LARP4: variants seen among roughly 807,000 people sequenced by gnomAD.
The protein encoded by LARP4 is La ribonucleoprotein 4.
LARP4 carries 29 observed loss-of-function variants against 92.9 expected under a neutral mutation model. That is an observed-to-expected ratio of 0.31 (90% CI 0.23 to 0.43). LARP4 has a LOEUF of 0.43. Ranked by LOEUF, LARP4 falls within the 20% of genes least tolerant of loss-of-function variation. The probability of loss-of-function intolerance (pLI) is 1.00; values close to 1 mark genes in which losing one functional copy is unlikely to be tolerated. For synonymous variants in LARP4, 279 were observed against 284.1 expected, an observed-to-expected ratio of 0.98 and a Z score of 0.18; for missense variants, 732 against 860.0, an observed-to-expected ratio of 0.85 and a Z score of 1.86.
intron 7 of LARP4, among the ~76,000 whole-genome samples, chr12:50,440,926 C>T (rs372911372): frequency 6.6e-6 from 1 of 151,120 alleles, no homozygotes; most frequent in South Asian, 2.1e-4. Context: ...CTCTGTCGCC[C>T]GGGCTGGAGT....
intron 5 of LARP4, among the ~76,000 whole-genome samples, chr12:50,436,110 GTGTGTGTGTGATA>G (rs1426940738): frequency 2.1e-5 from 3 of 142,740 alleles, no homozygotes; most frequent in East Asian, 2.0e-4. Flanking sequence ...TGGTGTGTGT[GTGTGTGTGTGATA>G]TGTGTGTGTG....
At chr12:50,466,338 G>A (rs1956145443) in intron 12 of LARP4, among the ~76,000 whole-genome samples, 1 of 152,118 alleles carries the variant, frequency 6.6e-6, no homozygotes, top group African/African-American at 2.4e-5. Context: ...TGATGGGCGG[G>A]CACAGTTGCT....
At chr12:50,405,141 C>T (rs1178635204) in intron 1 of LARP4, among the ~76,000 whole-genome samples, 3 of 151,892 alleles carry the variant, frequency 2.0e-5, no homozygotes, top group African/African-American at 7.3e-5. Flanking sequence ...TCAAGTGATC[C>T]GCCCGCCTTG....
intron 5 of LARP4, 149 bp downstream of exon 5, chr12:50,435,773 T>C: frequency 3.2e-6 from 2 of 631,902 alleles, no homozygotes; most frequent in South Asian, 4.5e-5. Context: ...TTTGTTTTTT[T>C]TTTTCGGGGG....
rs1452358615 is a variant in LARP4, at chr12:50,468,698, A to G, written c.1545+1578A>G. 2.0e-5 allele frequency among the ~76,000 whole-genome samples: 3 copies of G among 152,268 alleles called. No homozygotes were observed. The East Asian group carries it at 5.8e-4, about 29-fold the overall frequency. On this transcript the variant is annotated intron_variant, in intron 13 of 15. Coordinates refer to ENST00000398473, the MANE Select transcript of LARP4 (RefSeq NM_052879.5). ...AAAGATTTAGCTTTCTTAAGCCAACATACTCACACTTTTCCTATCCTCCTG... is the reference window on the plus strand; with the variant it reads ...AAAGATTTAGCTTTCTTAAGCCAACGTACTCACACTTTTCCTATCCTCCTG...
chr12:50,418,090 A>C (rs566855920), intron 1 of LARP4, among the ~76,000 whole-genome samples: 1 of 152,312 alleles, frequency 6.6e-6, no homozygotes, highest in Admixed American at 6.5e-5. Flanking sequence ...TGAACTCCTG[A>C]TCTCAGGTGA....
rs71083573 is a variant in LARP4 at position 50,446,429 on chromosome 12, ATTT to A, written c.804+4799_804+4801del. 6.6e-3 allele frequency among the ~76,000 whole-genome samples: 26 copies of A among 3,916 alleles called. 2 individuals are homozygous for A. The highest frequency in any genetic ancestry group is 0.013 in the Admixed American group (2 of 156). 2.6% of individuals were successfully genotyped at this position (3,916 alleles called of 152,430 possible). On this transcript the variant is annotated intron_variant, in intron 8 of 15. Coordinates refer to ENST00000398473, the MANE Select transcript of LARP4 (RefSeq NM_052879.5). ...TCTCTCTATATATATATATATATATATTTTTTTTTTTTTTTATAGACGGAGTCT... is the reference window on the plus strand; with the variant it reads ...TCTCTCTATATATATATATATATATATTTTTTTTTTTTATAGACGGAGTCT...
chr12:50,467,930 C>T (rs562662555), intron 13 of LARP4, among the ~76,000 whole-genome samples: 6 of 151,996 alleles, frequency 3.9e-5, no homozygotes, highest in Non-Finnish European at 7.4e-5. Flanking sequence ...CAACTACTTT[C>T]AGCTCCTTAG....
chr12:50,430,520 A>G lies in LARP4; in HGVS notation c.348A>G (p.Thr116=), dbSNP rs369870289. The G allele has an allele frequency of 2.1e-5, 34 of 1,607,438 alleles. No individual in the cohort carries two copies. The highest frequency in any genetic ancestry group is 3.4e-5 in the Admixed American group (2 of 59,536). Residue 116 remains threonine, a synonymous_variant, in exon 4 of 16, where the codon ACA becomes ACG. Coordinates refer to ENST00000398473, the MANE Select transcript of LARP4 (RefSeq NM_052879.5). ...GAGAAAGCAATTCAGCAGTTTCTAC[A>G]GAAGACCTAAAAGAATGTCTGAAGA... ...VSGESNSAVS[T]EDLKECLKKQ...
Position 50,420,947 on chromosome 12 carries a change from C to CTTTTTTTTTTTTTTTTTTTTTTT in LARP4, c.19-6798_19-6797insTTTTTTTTTTTTTTTTTTTTTTT, listed in dbSNP as rs71083567. The CTTTTTTTTTTTTTTTTTTTTTTT allele has an allele frequency of 1.8e-4, 20 of 111,436 alleles. 2 individuals are homozygous for CTTTTTTTTTTTTTTTTTTTTTTT. Among genetic ancestry groups the CTTTTTTTTTTTTTTTTTTTTTTT allele is most frequent in the African/African-American group, 6.2e-4 (18 of 29,154 alleles). The allele number at this position is 111,436 out of a possible 1,614,324, so 6.9% of individuals were successfully genotyped here. On this transcript the variant is annotated intron_variant, in intron 1 of 15. Transcript: ENST00000398473. ...ATTTGAAGGTACAGAATAACCTTTG[C>CTTTTTTTTTTTTTTTTTTTTTTT]TTTTTTTTTTTTTTTTTGGAGAGAT...
intron 15 of LARP4, among the ~76,000 whole-genome samples, chr12:50,475,001 A>C (rs2139224881): frequency 6.6e-6 from 1 of 152,372 alleles, no homozygotes; most frequent in African/African-American, 2.4e-5. Flanking sequence ...CTAAAATAAT[A>C]GCTACCATTT....
At chr12:50,462,201 G>A (rs1318282375) in intron 11 of LARP4, among the ~76,000 whole-genome samples, 1 of 151,652 alleles carries the variant, frequency 6.6e-6, no homozygotes, top group Non-Finnish European at 1.5e-5. Context: ...GTATACAGCT[G>A]GCCAGGCATG....
intron 1 of LARP4, among the ~76,000 whole-genome samples, chr12:50,411,563 G>A (rs754436169): frequency 3.3e-5 from 5 of 151,482 alleles, no homozygotes; most frequent in African/African-American, 7.3e-5. Flanking sequence ...TCCTAAACTC[G>A]GGTGATTCGC....
Position 50,475,702 on chromosome 12 carries a change from G to T in LARP4, c.2013G>T (p.Arg671Ser). Residue 671 changes from arginine (R) to serine (S), a missense_variant, in exon 16 of 16, where the codon AGG (arginine) becomes AGT (serine). Arg to Ser is a moderately radical substitution (Grantham distance 110, BLOSUM62 -1). Transcript: ENST00000398473. ...VEKPHEKPEA[R>S]ASKDYSGFRG... ...AACCACATGAGAAGCCAGAAGCAAG[G>T]GCTAGTAAGGATTATTCTGGCTTCC... The T allele has an allele frequency of 6.2e-7, 1 of 1,614,066 alleles. No homozygotes were observed. The highest frequency in any genetic ancestry group is 8.5e-7 in the Non-Finnish European group (1 of 1,180,028).
intron 1 of LARP4, among the ~76,000 whole-genome samples, chr12:50,416,954 G>A (rs1946900440): frequency 6.6e-6 from 1 of 151,770 alleles, no homozygotes; most frequent in Non-Finnish European, 1.5e-5. Flanking sequence ...AAAAGAGTGA[G>A]ATCCTGTTTC....
chr12:50,454,006 T>G (rs1191001678), intron 9 of LARP4, among the ~76,000 whole-genome samples: 2 of 152,122 alleles, frequency 1.3e-5, no homozygotes, highest in Non-Finnish European at 2.9e-5. Context: ...GGTGAGCTAT[T>G]AGAGCGCATA....
In LARP4 at chr12:50,453,602, A is replaced by G; in HGVS notation, c.947A>G (p.Gln316Arg). ...CAGCCTGTATATAATCCTCACCAAC[A>G]GTACTCGGTCTATAGTATTGTGCCT... ...FMQPVYNPHQ[Q>R]YSVYSIVPQS... is the part of the protein sequence containing the mutation. The change falls in exon 9 of 16, where the codon CAG becomes CGG. Residue 316 changes from glutamine to arginine, a missense_variant. Physicochemically the swap from Gln to Arg is conservative, Grantham distance 43. Transcript: ENST00000398473. 1 of 1,613,772 alleles carries G rather than the reference A, an allele frequency of 6.2e-7. No individual in the cohort carries two copies. The highest frequency in any genetic ancestry group is 8.5e-7 in the Non-Finnish European group (1 of 1,179,768).
chr12:50,415,762 C>T (rs1592823092), intron 1 of LARP4: 1 of 150,430 alleles, frequency 6.6e-6, no homozygotes. Context: ...GATCTCGGCT[C>T]ACTGTAACCT....
chr12:50,402,153 C>T (rs1440799326), intron 1 of LARP4, among the ~76,000 whole-genome samples: 1 of 151,982 alleles, frequency 6.6e-6, no homozygotes, highest in East Asian at 1.9e-4. Context: ...GAAAATCTTA[C>T]TCCGTAATAT....
Sources: gnomAD v4.1 joint callset for allele counts (sites outside exome capture counted in the v4.1 genomes callset) on GRCh38, gnomAD v4.1.1 for gene constraint, MANE v1.5 for transcripts, NCBI Gene and HGNC (gene_info 2026-07-23, HGNC 2026-07-21) for gene names.